The following ATG10 variants were observed in gnomAD, a reference collection of about 807,000 sequenced individuals.
ATG10 encodes the protein autophagy related 10, also known as ubiquitin-like-conjugating enzyme ATG10.
In ATG10, 30 loss-of-function variants were observed where a neutral mutation model predicts 32.1. The ratio of observed to expected loss-of-function variants is 0.94; its 90% CI spans 0.70 to 1.27. The LOEUF is 1.27. Ranked by LOEUF, ATG10 falls within the 50% of genes most tolerant of loss-of-function variation. The pLI, the probability that ATG10 is intolerant of heterozygous loss-of-function variation, is 0.00. For missense variants in ATG10, 233 were observed against 262.3 expected (o/e 0.89, Z 0.77); for synonymous variants, 87 against 91.5 (o/e 0.95, Z 0.28).
At chr5:82,084,315 A>G (rs1033927600) in intron 3 of ATG10, among the ~76,000 whole-genome samples, 2 of 152,350 alleles carry the variant, frequency 1.3e-5, no homozygotes, top group East Asian at 3.9e-4. Flanking sequence ...AAAGCCTCCA[A>G]GAAATATGGA....
At chr5:82,002,955 G>GA (rs1761890998) in intron 2 of ATG10, among the ~76,000 whole-genome samples, 1 of 152,094 alleles carries the variant, frequency 6.6e-6, no homozygotes, top group Admixed American at 6.5e-5. Flanking sequence ...AAAAAAACGA[G>GA]AAAAAAATTA....
intron 2 of ATG10, 81 bp from the exon 3 acceptor site, chr5:82,058,414 C>A: frequency 9.8e-7 from 1 of 1,022,106 alleles, no homozygotes; most frequent in Non-Finnish European, 1.5e-6. Flanking sequence ...CAGTTTGGAA[C>A]TTATGGGAAG....
At chr5:82,115,984 T>C (rs1765797189) in intron 3 of ATG10, among the ~76,000 whole-genome samples, 1 of 152,126 alleles carries the variant, frequency 6.6e-6, no homozygotes, top group Non-Finnish European at 1.5e-5. Flanking sequence ...ACAGTTTGCG[T>C]AGAAAGTTAA....
intron 3 of ATG10, among the ~76,000 whole-genome samples, chr5:82,059,741 C>T (rs1561278430): frequency 6.6e-6 from 1 of 152,074 alleles, no homozygotes; most frequent in Non-Finnish European, 1.5e-5. Context: ...GCCCCCTTGC[C>T]TGTATATGAT....
rs1744125015 is a variant in ATG10 at position 82,178,667 on chromosome 5, C to G, written c.453+80C>G. 6.5e-6 allele frequency: 6 copies of G among 927,632 alleles called. No homozygotes were observed. In the African/African-American group the frequency reaches 6.6e-5, roughly 10 times the overall value. The allele number at this position is 927,632 out of a possible 1,614,324, so 57.5% of individuals were successfully genotyped here. On this transcript the variant is annotated intron_variant, in intron 5 of 7. Coordinates refer to ENST00000282185, the MANE Select transcript of ATG10 (RefSeq NM_031482.5). ...CTCATCTTTTCTGCTAGTTCCCTCTCCAACTCTTTTCCCTATTTCACTTGT... is the reference window on the plus strand; with the variant it reads ...CTCATCTTTTCTGCTAGTTCCCTCTGCAACTCTTTTCCCTATTTCACTTGT...
At chr5:82,140,703 A>T (rs1320149604) in intron 3 of ATG10, among the ~76,000 whole-genome samples, 1 of 34,090 alleles carries the variant, frequency 2.9e-5, no homozygotes, top group Non-Finnish European at 6.1e-5. Context: ...CTGCCCGGCC[A>T]CCACCCCGTC....
At chr5:82,012,871 TG>T (rs1762165008) in intron 2 of ATG10, among the ~76,000 whole-genome samples, 1 of 152,166 alleles carries the variant, frequency 6.6e-6, no homozygotes, top group Admixed American at 6.5e-5. Flanking sequence ...ATGGCCAAGC[TG>T]GTCTTGAACT....
At chr5:82,157,064 G>A (rs1283506311) in intron 3 of ATG10, among the ~76,000 whole-genome samples, 1 of 152,148 alleles carries the variant, frequency 6.6e-6, no homozygotes, top group Non-Finnish European at 1.5e-5. Flanking sequence ...GCTGTGGCGG[G>A]TTTCTGCATC....
At chr5:82,246,367 G>A (rs536759520) in intron 5 of ATG10, among the ~76,000 whole-genome samples, 33 of 151,714 alleles carry the variant, frequency 2.2e-4, no homozygotes, top group African/African-American at 7.7e-4. Flanking sequence ...CACCATGCTC[G>A]GCCAATCTGA....
intron 2 of ATG10, among the ~76,000 whole-genome samples, chr5:81,999,127 TA>T (rs577398547): frequency 1.1e-5 from 1 of 94,784 alleles, no homozygotes. Flanking sequence ...CACTCAGACA[TA>T]AAAAAATCCT....
intron 5 of ATG10, among the ~76,000 whole-genome samples, chr5:82,225,560 T>C (rs1454747718): frequency 1.3e-5 from 2 of 152,216 alleles, no homozygotes; most frequent in Non-Finnish European, 2.9e-5. Context: ...ACGAATGGTC[T>C]CAAAATCAAA....
intron 2 of ATG10, chr5:81,992,343 T>A (rs1004355455): frequency 6.6e-6 from 1 of 152,104 alleles, no homozygotes; most frequent in African/African-American, 2.4e-5. Context: ...TTATGGTCAC[T>A]CATACAATCA....
At chr5:82,141,021 G>A (rs1767101047) in intron 3 of ATG10, among the ~76,000 whole-genome samples, 1 of 113,324 alleles carries the variant, frequency 8.8e-6, no homozygotes, top group Non-Finnish European at 1.8e-5. Flanking sequence ...GATGCTTGAA[G>A]GCAGCATGCT....
chr5:82,137,340 T>C (rs55812503), intron 3 of ATG10, among the ~76,000 whole-genome samples: 24,767 of 152,160 alleles, frequency 0.16, 2,487 homozygotes, highest in South Asian at 0.36. Context: ...TTTCCTCATG[T>C]TCGTGGATTT....
intron 3 of ATG10, among the ~76,000 whole-genome samples, chr5:82,141,759 C>G (rs918284592): frequency 6.6e-6 from 1 of 151,702 alleles, no homozygotes; most frequent in African/African-American, 2.4e-5. Context: ...CTCATTCTTA[C>G]TTATTTTTAT....
At chr5:82,119,919 C>T (rs184309168) in intron 3 of ATG10, among the ~76,000 whole-genome samples, 1 of 152,152 alleles carries the variant, frequency 6.6e-6, no homozygotes, top group East Asian at 1.9e-4. Context: ...ACAACAACAA[C>T]AAACCCTTTT....
At chr5:82,020,963 A>C (rs1762417614) in intron 2 of ATG10, among the ~76,000 whole-genome samples, 1 of 151,926 alleles carries the variant, frequency 6.6e-6, no homozygotes, top group Non-Finnish European at 1.5e-5. Context: ...TTGTACTCTG[A>C]GGAGTAGAGG....
chr5:82,144,296 T>TC (rs1183892125), intron 3 of ATG10, among the ~76,000 whole-genome samples: 5 of 151,500 alleles, frequency 3.3e-5, no homozygotes, highest in African/African-American at 1.2e-4. Context: ...TTATTTTTTT[T>TC]CTCTGATTTG....
At chr5:82,009,383 A>G (rs946332788) in intron 2 of ATG10, among the ~76,000 whole-genome samples, 1 of 152,030 alleles carries the variant, frequency 6.6e-6, no homozygotes, top group Non-Finnish European at 1.5e-5. Flanking sequence ...TTATATATAT[A>G]TATTTTTTGT....
Sources: gnomAD v4.1 joint callset for allele counts (sites outside exome capture counted in the v4.1 genomes callset) on GRCh38, gnomAD v4.1.1 for gene constraint, MANE v1.5 for transcripts, NCBI Gene and HGNC (gene_info 2026-07-23, HGNC 2026-07-21) for gene names.